AGO2: variants seen among roughly 807,000 people sequenced by gnomAD.
AGO2 encodes argonaute RISC catalytic component 2, also known as protein argonaute-2.
A neutral mutation model predicts 102.3 loss-of-function variants in AGO2; 5 were observed. That is an observed-to-expected ratio of 0.05 (90% confidence interval 0.03 to 0.10). The LOEUF is 0.10. Ranked by LOEUF, AGO2 falls within the 10% of genes least tolerant of loss-of-function variation. AGO2 has a pLI of 1.00. For missense variants in AGO2, 541 were observed against 1,183.7 expected, an observed-to-expected ratio of 0.46 and a Z score of 7.97; for synonymous variants, 449 against 473.1, an observed-to-expected ratio of 0.95 and a Z score of 0.66.
rs2073161310 is a variant in AGO2 at position 140,559,532 on chromosome 8, G to A, written c.656-3C>T. ...CTTGTAAAACGCTGTTGCTGACACT[G>A]TAGGCGAGAAAAGAGGCAAAGGCCT... is the stretch of plus-strand genomic sequence containing the variant. On this transcript the variant is annotated splice_region_variant and splice_polypyrimidine_tract_variant and intron_variant, in intron 5 of 18. Coordinates refer to ENST00000220592, the MANE Select transcript of AGO2 (RefSeq NM_012154.5). The A allele has an allele frequency of 7.4e-6, 12 of 1,613,856 alleles. No individual in the cohort carries two copies. Among genetic ancestry groups the A allele is most frequent in the Non-Finnish European group, 1.0e-5 (12 of 1,180,012 alleles).
chr8:140,580,814 C>T (rs993803969), intron 2 of AGO2, among the ~76,000 whole-genome samples: 3 of 152,246 alleles, frequency 2.0e-5, no homozygotes, highest in Non-Finnish European at 2.9e-5. Flanking sequence ...AAGGTTCCTC[C>T]GTCTAGGCAG....
At position 140,523,792 on chromosome 8, in the gene AGO2, T is replaced by G. The variant is rs538538060; in HGVS notation, c.*8252A>C. On this transcript the variant is annotated 3_prime_UTR_variant, in exon 19 of 19. Coordinates refer to ENST00000220592, the MANE Select transcript of AGO2 (RefSeq NM_012154.5). ...AGCCACAGTGCTCCCTCTGCAGCCG[T>G]TGCCTCTGTGGAGGGAGAGGCCATT... 6.6e-6 allele frequency: 1 copy of G among 152,212 alleles called. No individual in the cohort carries two copies. The highest frequency in any genetic ancestry group is 1.9e-4 in the East Asian group (1 of 5,204). 9.4% of individuals were successfully genotyped at this position (152,212 alleles called of 1,614,324 possible).
chr8:140,620,008 C>A (rs1165655439), intron 1 of AGO2, among the ~76,000 whole-genome samples: 1 of 152,170 alleles, frequency 6.6e-6, no homozygotes, highest in Non-Finnish European at 1.5e-5. Context: ...ATAACAGAAG[C>A]TCAGGGATGA....
chr8:140,609,070 G>C (rs575440624), intron 1 of AGO2, among the ~76,000 whole-genome samples: 9 of 152,366 alleles, frequency 5.9e-5, no homozygotes, highest in African/African-American at 2.2e-4. Context: ...AGCTGTGCCA[G>C]GGGCCTCAGC....
chr8:140,566,616 T>TG (rs2073288974), intron 3 of AGO2, among the ~76,000 whole-genome samples: 2 of 148,508 alleles, frequency 1.3e-5, no homozygotes, highest in Admixed American at 1.4e-4. Flanking sequence ...TTTTTTTTTT[T>TG]TTGGGGGGGG....
At chr8:140,545,330 C>A (rs2072880584) in intron 13 of AGO2, among the ~76,000 whole-genome samples, 1 of 152,170 alleles carries the variant, frequency 6.6e-6, no homozygotes, top group African/African-American at 2.4e-5. Context: ...CATGGCCGAG[C>A]CTCAGGCCTC....
intron 1 of AGO2, among the ~76,000 whole-genome samples, chr8:140,635,139 G>C (rs1461703953): frequency 4.8e-5 from 7 of 146,436 alleles, no homozygotes; most frequent in Non-Finnish European, 9.1e-5. Context: ...CGGCCGCCTC[G>C]GCCCCGGCCC....
intron 1 of AGO2, among the ~76,000 whole-genome samples, chr8:140,623,530 C>T (rs947110896): frequency 6.6e-6 from 1 of 152,204 alleles, no homozygotes; most frequent in Non-Finnish European, 1.5e-5. Flanking sequence ...GTCAGGCCCC[C>T]GGCTGGACAC....
rs554357188 is a variant in AGO2, at chr8:140,567,478, G to A, written c.337-4844C>T. Among the ~76,000 whole-genome samples the A allele has an allele frequency of 3.3e-5, 5 of 152,344 alleles. No homozygotes were observed. Among genetic ancestry groups the A allele is most frequent in the Non-Finnish European group, 5.9e-5 (4 of 68,028 alleles). On this transcript the variant is annotated intron_variant, in intron 3 of 18. Coordinates refer to ENST00000220592, the MANE Select transcript of AGO2 (RefSeq NM_012154.5). This position sits in a 1 kb window ranked among gnomAD's most constrained non-coding sequence, Gnocchi z 5.0. Reference sequence around the variant, plus strand: ...GTCACTCCCAGCCCTGCTGCCTCCCGTGTTCTAACCTCGGGCAGGTGGCTC... The same window carrying A: ...GTCACTCCCAGCCCTGCTGCCTCCCATGTTCTAACCTCGGGCAGGTGGCTC...
intron 11 of AGO2, among the ~76,000 whole-genome samples, chr8:140,549,994 A>G (rs956524755): frequency 6.6e-6 from 1 of 152,234 alleles, no homozygotes; most frequent in Non-Finnish European, 1.5e-5. Flanking sequence ...TGTACATTAG[A>G]TCAGGTCAAG....
chr8:140,570,308 C>A (rs1403841421), intron 3 of AGO2, among the ~76,000 whole-genome samples: 1 of 152,218 alleles, frequency 6.6e-6, no homozygotes, highest in Admixed American at 6.5e-5. Flanking sequence ...TCACTGCAAC[C>A]TCCATCTCCC....
Position 140,539,464 on chromosome 8 carries a change from C to CGGGA in AGO2, c.2035-14_2035-11dup, listed in dbSNP as rs2072756125. On this transcript the variant is annotated splice_polypyrimidine_tract_variant and intron_variant, in intron 15 of 18. Coordinates refer to ENST00000220592, the MANE Select transcript of AGO2 (RefSeq NM_012154.5). This position sits in a 1 kb window ranked among gnomAD's most constrained non-coding sequence, Gnocchi z 4.7. ...ACTCGTGGTGGAGAACCTAGGGGTA[C>CGGGA]GGGAGGGAGGAGGTTGTGCTTAAAG... is the stretch of plus-strand genomic sequence containing the variant. 1 of 1,607,464 alleles carries CGGGA rather than the reference C, an allele frequency of 6.2e-7. No homozygotes were observed. The highest frequency in any genetic ancestry group is 8.5e-7 in the Non-Finnish European group (1 of 1,176,438).
chr8:140,630,926 T>C (rs763542580), intron 1 of AGO2, among the ~76,000 whole-genome samples: 1 of 152,146 alleles, frequency 6.6e-6, no homozygotes, highest in Non-Finnish European at 1.5e-5. Context: ...TGGTGGCACA[T>C]GTCTGCAGTC....
chr8:140,532,974 G>C (rs1351287298), intron 17 of AGO2, among the ~76,000 whole-genome samples: 5 of 150,404 alleles, frequency 3.3e-5, no homozygotes, highest in Admixed American at 3.3e-4. Context: ...CTCCAGCCTG[G>C]GCAACAGAGA....
chr8:140,585,409 T>G, intron 1 of AGO2, 98 bp from the exon 2 acceptor site: 1 of 1,389,712 alleles, frequency 7.2e-7, no homozygotes, highest in Non-Finnish European at 9.8e-7. Flanking sequence ...CCCCCTCTGC[T>G]GTTTCCATTC....
rs958287027 is a variant in AGO2 at position 140,524,792 on chromosome 8, G to C, written c.*7252C>G. 1 of 152,266 alleles carries C rather than the reference G, an allele frequency of 6.6e-6. No homozygotes were observed. The highest frequency in any genetic ancestry group is 2.1e-4 in the South Asian group (1 of 4,820). The allele number at this position is 152,266 out of a possible 1,614,324, so 9.4% of individuals were successfully genotyped here. ...TCAAAGGAGCCCCGGACCCCTACAC[G>C]AGCACCCCGATCTATGAAGTCGCTT... On this transcript the variant is annotated 3_prime_UTR_variant, in exon 19 of 19. Transcript: ENST00000220592.
chr8:140,589,559 AG>A lies in AGO2; in HGVS notation c.23-4249del, dbSNP rs1297959082. Among the ~76,000 whole-genome samples the A allele has an allele frequency of 1.3e-5, 2 of 152,176 alleles. No homozygotes were observed. The highest frequency in any genetic ancestry group is 4.8e-5 in the African/African-American group (2 of 41,444). On this transcript the variant is annotated intron_variant, in intron 1 of 18. Transcript: ENST00000220592. This position sits in a 1 kb window ranked among gnomAD's most constrained non-coding sequence, Gnocchi z 4.2. ...TGCAAAGCTGTTTCCAGAGCTCCAA[AG>A]TGAGTCATTATTCAAAGCCATGCTT...
At position 140,526,523 on chromosome 8, in the gene AGO2, C is replaced by T. The variant is rs1447205365; in HGVS notation, c.*5521G>A. 6.6e-6 allele frequency: 1 copy of T among 152,242 alleles called. No individual in the cohort carries two copies. Among genetic ancestry groups the T allele is most frequent in the Non-Finnish European group, 1.5e-5 (1 of 68,054 alleles). 9.4% of individuals were successfully genotyped at this position (152,242 alleles called of 1,614,324 possible). On this transcript the variant is annotated 3_prime_UTR_variant, in exon 19 of 19. Coordinates refer to ENST00000220592, the MANE Select transcript of AGO2 (RefSeq NM_012154.5). This position sits in a 1 kb window ranked among gnomAD's most constrained non-coding sequence, Gnocchi z 5.2. ...GGTCACAGTATGGCACACACATTTT[C>T]AAGCCAGAACTGAACAGATAGATGT...
Position 140,557,269 on chromosome 8 carries a change from C to A in AGO2, c.879-33G>T. ...GCAAAGGGGCTGTTCAGGCCGAGGG[C>A]ATCCCGGAGCCCCTTCCCCTGCGCT... is the stretch of plus-strand genomic sequence containing the variant. On this transcript the variant is annotated intron_variant, in intron 7 of 18. Coordinates refer to ENST00000220592, the MANE Select transcript of AGO2 (RefSeq NM_012154.5). This position sits in a 1 kb window ranked among gnomAD's most constrained non-coding sequence, Gnocchi z 5.9. The A allele has an allele frequency of 6.3e-7, 1 of 1,584,198 alleles. No individual in the cohort carries two copies. The highest frequency in any genetic ancestry group is 8.6e-7 in the Non-Finnish European group (1 of 1,163,686).
Sources: allele counts gnomAD v4.1 joint callset (sites outside exome capture counted in the v4.1 genomes callset), GRCh38; gene constraint gnomAD v4.1.1; non-coding constraint Gnocchi (gnomAD v3.1); transcripts MANE v1.5; gene names NCBI Gene and HGNC (gene_info 2026-07-23, HGNC 2026-07-21).